Variants in NSMCE2 observed in about 807,000 individuals in gnomAD.
The protein encoded by NSMCE2 is NSE2 SUMO ligase component of SMC5/6 complex.
A neutral mutation model predicts 23.8 loss-of-function variants in NSMCE2; 24 were observed. The ratio of observed to expected loss-of-function variants is 1.01; its 90% CI spans 0.73 to 1.42. The LOEUF (loss-of-function observed/expected upper bound fraction) is 1.42, where lower values mean the gene tolerates loss of function less well. Ranked by LOEUF, NSMCE2 falls within the 40% of genes most tolerant of loss-of-function variation. The pLI, the probability that NSMCE2 is intolerant of heterozygous loss-of-function variation, is 0.00. For synonymous variants in NSMCE2, 92 were observed against 94.1 expected (o/e 0.98, Z 0.13); for missense variants, 284 against 296.5 (o/e 0.96, Z 0.31).
chr8:125,220,637 T>C (rs1824810060), intron 5 of NSMCE2, among the ~76,000 whole-genome samples: 1 of 149,710 alleles, frequency 6.7e-6, no homozygotes, highest in East Asian at 1.9e-4. Context: ...GTTAACATCA[T>C]TATTTAAAAA....
chr8:125,203,144 T>A (rs180919967), intron 5 of NSMCE2, among the ~76,000 whole-genome samples: 17 of 152,022 alleles, frequency 1.1e-4, no homozygotes, highest in African/African-American at 4.1e-4. Flanking sequence ...AGATTTAAAT[T>A]GAAAAAAATG....
At chr8:125,315,405 TCAGA>T (rs1257416520) in intron 5 of NSMCE2, among the ~76,000 whole-genome samples, 1 of 152,152 alleles carries the variant, frequency 6.6e-6, no homozygotes, top group African/African-American at 2.4e-5. Context: ...GAGTTTTGAG[TCAGA>T]CAGACCTGCT....
At chr8:125,287,416 C>T (rs1448990012) in intron 5 of NSMCE2, among the ~76,000 whole-genome samples, 2 of 152,176 alleles carry the variant, frequency 1.3e-5, no homozygotes, top group East Asian at 3.8e-4. Context: ...TTGTTTCATG[C>T]CTGCTGCTAC....
chr8:125,108,566 A>G (rs961664313), intron 3 of NSMCE2, among the ~76,000 whole-genome samples: 2 of 152,230 alleles, frequency 1.3e-5, no homozygotes, highest in African/African-American at 2.4e-5. Flanking sequence ...TGCCTGCTTC[A>G]TAAGATTGTT....
intron 5 of NSMCE2, among the ~76,000 whole-genome samples, chr8:125,217,427 C>G (rs1563725639): frequency 6.6e-6 from 1 of 152,070 alleles, no homozygotes; most frequent in Non-Finnish European, 1.5e-5. Context: ...GTGGCATGAT[C>G]TCAGCTCACT....
rs193242563 is a variant in NSMCE2 at position 125,104,076 on chromosome 8, C to T, written c.157+1589C>T. On this transcript the variant is annotated intron_variant, in intron 3 of 7. Coordinates refer to ENST00000287437, the MANE Select transcript of NSMCE2 (RefSeq NM_173685.4). ...TGCGATCTCGGCTCACTGCAACCTC[C>T]GCCTCCCGGGTTCAAGCGATTCTCC... 5.4e-3 allele frequency among the ~76,000 whole-genome samples: 814 copies of T among 151,572 alleles called. 6 individuals are homozygous for T. The highest frequency in any genetic ancestry group is 0.044 in the Middle Eastern group (13 of 294).
At chr8:125,290,774 T>G (rs1429241971) in intron 5 of NSMCE2, among the ~76,000 whole-genome samples, 2 of 151,686 alleles carry the variant, frequency 1.3e-5, no homozygotes, top group African/African-American at 4.9e-5. Flanking sequence ...TGGGCTATCA[T>G]GAGTTAGACA....
intron 1 of NSMCE2, among the ~76,000 whole-genome samples, chr8:125,094,868 T>C (rs1817851542): frequency 6.6e-6 from 1 of 152,210 alleles, no homozygotes; most frequent in African/African-American, 2.4e-5. Context: ...CTCTTTTTTT[T>C]GAGAAAAGAG....
chr8:125,293,988 A>G (rs1264499707), intron 5 of NSMCE2, among the ~76,000 whole-genome samples: 1 of 152,168 alleles, frequency 6.6e-6, no homozygotes, highest in South Asian at 2.1e-4. Context: ...CAAGTTCCCC[A>G]GCTCTAGGCA....
chr8:125,185,752 G>A (rs781100444), intron 5 of NSMCE2, among the ~76,000 whole-genome samples: 2 of 152,266 alleles, frequency 1.3e-5, no homozygotes, highest in East Asian at 1.9e-4. Context: ...AATATAAACA[G>A]TATTTGATAT....
chr8:125,108,301 T>C (rs940630115), intron 3 of NSMCE2, among the ~76,000 whole-genome samples: 1 of 152,180 alleles, frequency 6.6e-6, no homozygotes, highest in African/African-American at 2.4e-5. Context: ...GTTAATGTGA[T>C]ACCAGACTGA....
intron 5 of NSMCE2, among the ~76,000 whole-genome samples, chr8:125,318,885 A>G (rs1421396343): frequency 6.6e-6 from 1 of 152,198 alleles, no homozygotes; most frequent in Admixed American, 6.5e-5. Context: ...AATATAACTA[A>G]GAGTCCAGGG....
chr8:125,148,525 T>G (rs958923592), intron 3 of NSMCE2, among the ~76,000 whole-genome samples: 1 of 152,220 alleles, frequency 6.6e-6, no homozygotes, highest in African/African-American at 2.4e-5. Context: ...CAGACTTTCA[T>G]TTCTTATGCT....
chr8:125,182,120 A>G lies in NSMCE2; in HGVS notation c.282A>G (p.Pro94=). 1.9e-6 allele frequency: 3 copies of G among 1,598,126 alleles called. No individual in the cohort carries two copies. The highest frequency in any genetic ancestry group is 2.6e-6 in the Non-Finnish European group (3 of 1,174,850). ...STINHVKEER[P]EKIPDLKLLV... is the part of the protein sequence containing the mutation. ...TCCCTTAGGTGAAAGAAGAACGTCC[A>G]GAAAAAATACCAGATTTAAAATTAT... Residue 94 remains proline (P), a synonymous_variant, in exon 5 of 8, where the codon CCA becomes CCG. Coordinates refer to ENST00000287437, the MANE Select transcript of NSMCE2 (RefSeq NM_173685.4).
chr8:125,264,552 G>A (rs1292147257), intron 5 of NSMCE2, among the ~76,000 whole-genome samples: 1 of 152,044 alleles, frequency 6.6e-6, no homozygotes, highest in Non-Finnish European at 1.5e-5. Context: ...GACCATCTGC[G>A]CGCACCACCA....
intron 3 of NSMCE2, among the ~76,000 whole-genome samples, chr8:125,108,059 T>C (rs1407506773): frequency 6.6e-6 from 1 of 151,994 alleles, no homozygotes; most frequent in African/African-American, 2.4e-5. Flanking sequence ...AAAATTATGA[T>C]GAAAATAGTT....
At chr8:125,264,108 C>A (rs1469631160) in intron 5 of NSMCE2, among the ~76,000 whole-genome samples, 1 of 152,206 alleles carries the variant, frequency 6.6e-6, no homozygotes, top group Non-Finnish European at 1.5e-5. Context: ...CAAGTGTAAT[C>A]CAGGTCCATG....
chr8:125,179,838 G>A (rs1381191832), intron 4 of NSMCE2, among the ~76,000 whole-genome samples: 1 of 152,130 alleles, frequency 6.6e-6, no homozygotes, highest in Non-Finnish European at 1.5e-5. Context: ...GGAACTGTGG[G>A]AATTAAGTAG....
rs544764403 is a variant in NSMCE2 at position 125,104,818 on chromosome 8, C to T, written c.157+2331C>T. Among the ~76,000 whole-genome samples the T allele has an allele frequency of 1.9e-4, 29 of 152,268 alleles. 1 individual carries two copies. The South Asian group carries it at 6.0e-3, about 32-fold the overall frequency. ...TTGGGAGGCCGAAGCAGGAGGATCT[C>T]CTGAGGTCAGGAGTTCCAGGCCAAC... On this transcript the variant is annotated intron_variant, in intron 3 of 7. Coordinates refer to ENST00000287437, the MANE Select transcript of NSMCE2 (RefSeq NM_173685.4).
Sources: allele counts gnomAD v4.1 joint callset (sites outside exome capture counted in the v4.1 genomes callset), GRCh38; gene constraint gnomAD v4.1.1; transcripts MANE v1.5; gene names NCBI Gene and HGNC (gene_info 2026-07-23, HGNC 2026-07-21).